Variants in CEMIP observed in about 807,000 individuals in gnomAD.
CEMIP encodes cell migration inducing hyaluronidase 1.
A neutral mutation model predicts 156.9 loss-of-function variants in CEMIP; 105 were observed. The ratio of observed to expected loss-of-function variants is 0.67; its 90% CI spans 0.57 to 0.79. CEMIP has a LOEUF of 0.79. Among genes scored for constraint, CEMIP ranks in the 30% least tolerant of loss-of-function variants. CEMIP has a pLI of 0.00. For missense variants in CEMIP, 1,457 were observed against 1,769.4 expected (o/e 0.82, Z 3.17); for synonymous variants, 676 against 668.4 (o/e 1.01, Z -0.17).
intron 12 of CEMIP, among the ~76,000 whole-genome samples, chr15:80,897,547 G>T (rs565665801): frequency 9.8e-4 from 150 of 152,304 alleles, no homozygotes; most frequent in African/African-American, 3.4e-3. Flanking sequence ...TTTGGTGAGT[G>T]TAGCTAAAGA....
intron 7 of CEMIP, among the ~76,000 whole-genome samples, chr15:80,887,421 T>C (rs369695794): frequency 6.6e-6 from 1 of 152,240 alleles, no homozygotes; most frequent in Admixed American, 6.5e-5. Context: ...TTGTGATTCA[T>C]GCTCCCATCT....
chr15:80,943,606 A>T (rs893829860), intron 28 of CEMIP, among the ~76,000 whole-genome samples: 3 of 152,144 alleles, frequency 2.0e-5, no homozygotes, highest in Non-Finnish European at 4.4e-5. Context: ...AAATCATCAC[A>T]ATTCATCCTG....
At chr15:80,874,337 G>A (rs1413934760) in intron 3 of CEMIP, among the ~76,000 whole-genome samples, 1 of 152,232 alleles carries the variant, frequency 6.6e-6, no homozygotes, top group East Asian at 1.9e-4. Context: ...CGCTACTGCG[G>A]GAAGGTGGAT....
At chr15:80,890,296 G>A (rs1232103685) in intron 10 of CEMIP, among the ~76,000 whole-genome samples, 1 of 151,968 alleles carries the variant, frequency 6.6e-6, no homozygotes, top group African/African-American at 2.4e-5. Flanking sequence ...GAAGTCATTT[G>A]AGCTGGGCTC....
intron 1 of CEMIP, among the ~76,000 whole-genome samples, chr15:80,823,554 C>G (rs989126466): frequency 6.6e-6 from 1 of 152,108 alleles, no homozygotes. Context: ...GGGACCCAGT[C>G]CCTTTCCCCT....
intron 1 of CEMIP, among the ~76,000 whole-genome samples, chr15:80,871,526 A>G (rs1484796780): frequency 1.3e-5 from 2 of 152,146 alleles, no homozygotes; most frequent in Non-Finnish European, 2.9e-5. Flanking sequence ...TGAGGTCCAC[A>G]GAAGGAAATG....
At chr15:80,850,714 T>C (rs1019812033) in intron 1 of CEMIP, among the ~76,000 whole-genome samples, 1 of 152,164 alleles carries the variant, frequency 6.6e-6, no homozygotes, top group Non-Finnish European at 1.5e-5. Flanking sequence ...GTGATCCCCA[T>C]GGACTCAGCT....
rs963994750 is a variant in CEMIP at position 80,855,639 on chromosome 15, C to T, written c.-175-17899C>T. 2.0e-5 allele frequency among the ~76,000 whole-genome samples: 3 copies of T among 152,120 alleles called. 1 individual carries two copies. In the East Asian group the frequency reaches 5.8e-4, roughly 29 times the overall value. Reference sequence around the variant, plus strand: ...TGCCTCCTGGGTTCAGCTCCTGTCTCGGCCTCCCAAGTAGCTGGGACCATA... The same window carrying T: ...TGCCTCCTGGGTTCAGCTCCTGTCTTGGCCTCCCAAGTAGCTGGGACCATA... On this transcript the variant is annotated intron_variant, in intron 1 of 29. Transcript: ENST00000394685.
intron 1 of CEMIP, among the ~76,000 whole-genome samples, chr15:80,787,104 C>A (rs1895959748): frequency 6.6e-6 from 1 of 152,188 alleles, no homozygotes; most frequent in Non-Finnish European, 1.5e-5. Flanking sequence ...CTGCCTCCTA[C>A]AAAGCTCTCC....
rs940410951 is a variant in CEMIP at position 80,873,654 on chromosome 15, C to T, written c.-59C>T. Reference sequence around the variant, plus strand: ...GGACAACGGTAGGATTTTCATGCCCCGATCTGCCTGGCCTTGAGTTGTGGC... The same window carrying T: ...GGACAACGGTAGGATTTTCATGCCCTGATCTGCCTGGCCTTGAGTTGTGGC... On this transcript the variant is annotated 5_prime_UTR_variant, in exon 2 of 30. An upstream open reading frame in the 5' UTR gains an earlier in-frame stop. Coordinates refer to ENST00000394685, the MANE Select transcript of CEMIP (RefSeq NM_001293298.2). The T allele has an allele frequency of 5.4e-6, 3 of 556,548 alleles. No homozygotes were observed. Among genetic ancestry groups the T allele is most frequent in the Non-Finnish European group, 9.8e-6 (3 of 306,630 alleles). 34.5% of individuals were successfully genotyped at this position (556,548 alleles called of 1,614,324 possible).
At chr15:80,815,480 C>T (rs1896769631) in intron 1 of CEMIP, among the ~76,000 whole-genome samples, 1 of 152,214 alleles carries the variant, frequency 6.6e-6, no homozygotes, top group Admixed American at 6.5e-5. Context: ...ATGCACAGTA[C>T]AATGCCTGGT....
chr15:80,844,858 G>A (rs539694154), intron 1 of CEMIP, among the ~76,000 whole-genome samples: 1 of 152,278 alleles, frequency 6.6e-6, no homozygotes, highest in African/African-American at 2.4e-5. Context: ...GGGAGAACAG[G>A]GCATGGCCCC....
In CEMIP at chr15:80,893,387, G is replaced by T. The variant is rs529008234; in HGVS notation, c.1087-1603G>T. 4.6e-5 allele frequency among the ~76,000 whole-genome samples: 7 copies of T among 151,672 alleles called. No individual in the cohort carries two copies. In the East Asian group the frequency reaches 1.2e-3, roughly 25 times the overall value. ...AAAACTGAGGTCATTTTTCAGGTTA[G>T]AAAAAAGGAAAAAAAGAAAAAACAG... On this transcript the variant is annotated intron_variant, in intron 10 of 29. Coordinates refer to ENST00000394685, the MANE Select transcript of CEMIP (RefSeq NM_001293298.2).
In CEMIP at chr15:80,906,852, T is replaced by G. The variant is rs774162761; in HGVS notation, c.1587+14T>G. Reference sequence around the variant, plus strand: ...GGCCACATCAAGGTATGTGTCTCTCTGGCAGAGTCTTTCAACCCAACCAGG... The same window carrying G: ...GGCCACATCAAGGTATGTGTCTCTCGGGCAGAGTCTTTCAACCCAACCAGG... On this transcript the variant is annotated intron_variant, in intron 13 of 29. Coordinates refer to ENST00000394685, the MANE Select transcript of CEMIP (RefSeq NM_001293298.2). The surrounding 1 kb of genome is among the most constrained non-coding windows in gnomAD (Gnocchi z 4.3). 94 of 1,604,116 alleles carry G rather than the reference T, an allele frequency of 5.9e-5. 1 individual carries two copies. The Middle Eastern group carries it at 8.3e-4, about 14-fold the overall frequency.
chr15:80,800,306 C>T (rs900716559), intron 1 of CEMIP, among the ~76,000 whole-genome samples: 1 of 152,048 alleles, frequency 6.6e-6, no homozygotes, highest in Non-Finnish European at 1.5e-5. Context: ...TGTCCTTTCT[C>T]GCCCTCTGTC....
At position 80,925,801 on chromosome 15, in the gene CEMIP, C is replaced by T. The variant is rs372889829; in HGVS notation, c.2420+46C>T. ...GCTTTGGCACAAAGGGGGCATGGCGCGTCTTCCCCTAGCCCCCTACAGAGA... is the reference window on the plus strand; with the variant it reads ...GCTTTGGCACAAAGGGGGCATGGCGTGTCTTCCCCTAGCCCCCTACAGAGA... On this transcript the variant is annotated intron_variant, in intron 19 of 29. Coordinates refer to ENST00000394685, the MANE Select transcript of CEMIP (RefSeq NM_001293298.2). The T allele has an allele frequency of 7.0e-5, 112 of 1,597,932 alleles. 1 individual carries two copies. The highest frequency in any genetic ancestry group is 5.7e-4 in the Middle Eastern group (3 of 5,308).
intron 1 of CEMIP, among the ~76,000 whole-genome samples, chr15:80,799,483 T>C (rs1896321085): frequency 6.6e-6 from 1 of 152,232 alleles, no homozygotes; most frequent in Admixed American, 6.5e-5. Context: ...ATATAGTTTC[T>C]TCTGCAAAAT....
chr15:80,815,139 C>T (rs1207512888), intron 1 of CEMIP, among the ~76,000 whole-genome samples: 2 of 152,238 alleles, frequency 1.3e-5, no homozygotes, highest in Non-Finnish European at 2.9e-5. Flanking sequence ...GCATGTAAGA[C>T]AGAGTAGAGA....
At chr15:80,894,751 G>C (rs16972538) in intron 10 of CEMIP, among the ~76,000 whole-genome samples, 1 of 152,136 alleles carries the variant, frequency 6.6e-6, no homozygotes, top group African/African-American at 2.4e-5. Flanking sequence ...CACTGGTTTC[G>C]ATACTGAGTA....
Sources: gnomAD v4.1 joint callset for allele counts (sites outside exome capture counted in the v4.1 genomes callset) on GRCh38, gnomAD v4.1.1 for gene constraint, Gnocchi (gnomAD v3.1) non-coding constraint, MANE v1.5 for transcripts, NCBI Gene and HGNC (gene_info 2026-07-23, HGNC 2026-07-21) for gene names.